The following GATAD1 variants were observed in gnomAD, a reference collection of about 807,000 sequenced individuals.
The protein encoded by GATAD1 is GATA zinc finger domain-containing protein 1.
Under a neutral mutation model 26.5 loss-of-function variants are expected in GATAD1, and 12 were observed. The observed-to-expected ratio is 0.45, with a 90% CI of 0.29 to 0.73. The LOEUF (loss-of-function observed/expected upper bound fraction) is 0.73, where lower values mean the gene tolerates loss of function less well. GATAD1 is among the 30% of genes least tolerant of loss of function. The pLI, the probability that GATAD1 is intolerant of heterozygous loss-of-function variation, is 0.10. For missense variants in GATAD1, 266 were observed against 342.1 expected, an observed-to-expected ratio of 0.78 and a Z score of 1.75; for synonymous variants, 129 against 133.1, an observed-to-expected ratio of 0.97 and a Z score of 0.21.
At chr7:92,473,700 A>G in the GATAD1 span, among the ~76,000 whole-genome samples, 1 of 151,788 alleles carries the variant, frequency 6.6e-6, no homozygotes, top group African/African-American at 2.4e-5. Context: ...GTATCTAGTG[A>G]CTGCCCGTCT....
At chr7:92,460,680 G>GCACTTTA (rs1356039929), downstream of GATAD1, among the ~76,000 whole-genome samples, 1 of 150,432 alleles carries the variant, frequency 6.6e-6, no homozygotes, top group Admixed American at 6.7e-5. Context: ...TGTAATCCCA[G>GCACTTTA]CACTTTAAGA....
chr7:92,449,703 T>C lies in GATAD1; in HGVS notation c.375+826T>C, dbSNP rs1052676586. 27 of 644,048 alleles carry C rather than the reference T, an allele frequency of 4.2e-5. No individual in the cohort carries two copies. The Admixed American group carries it at 5.1e-4, about 12-fold the overall frequency. 39.9% of individuals were successfully genotyped at this position (644,048 alleles called of 1,614,324 possible). A position where few individuals can be genotyped will look rare whatever the true frequency, so the allele number is the denominator to read the frequency against. ...TTTTTTTTTAATTTAATTTAATGAA[T>C]TTTTTTTAATTTTACTTTAAGTTCT... On this transcript the variant is annotated intron_variant, in intron 2 of 4. Transcript: ENST00000287957.
the GATAD1 span, chr7:92,492,990 T>C: frequency 6.2e-7 from 1 of 1,613,856 alleles, no homozygotes; most frequent in Non-Finnish European, 8.5e-7. Flanking sequence ...ATGTAAGGCC[T>C]CCAATTGGGC....
the GATAD1 span, among the ~76,000 whole-genome samples, chr7:92,480,073 ATT>A: frequency 6.6e-6 from 1 of 152,126 alleles, no homozygotes; most frequent in Admixed American, 6.5e-5. Context: ...CCATTAGTCC[ATT>A]CTACCTTTCC....
At chr7:92,474,589 C>CTTTCCTCT in the GATAD1 span, 1 of 152,242 alleles carries the variant, frequency 6.6e-6, no homozygotes, top group Non-Finnish European at 1.5e-5. Flanking sequence ...GAATCATTCT[C>CTTTCCTCT]TTTCCTCTGT....
At chr7:92,473,366 C>A in the GATAD1 span, among the ~76,000 whole-genome samples, 1 of 152,074 alleles carries the variant, frequency 6.6e-6, no homozygotes, top group Non-Finnish European at 1.5e-5. Flanking sequence ...CCTTAACAAT[C>A]TTTTGGAGTC....
the GATAD1 span, chr7:92,469,462 CTG>C: frequency 1.3e-6 from 1 of 757,992 alleles, no homozygotes; most frequent in Non-Finnish European, 2.4e-6. Context: ...TATGACATAA[CTG>C]TATAAATCTT....
At chr7:92,491,116 T>G in the GATAD1 span, 1 of 611,504 alleles carries the variant, frequency 1.6e-6, no homozygotes, top group Non-Finnish European at 2.9e-6. Context: ...GAATGCAAAT[T>G]ACCAATTAGT....
intron 2 of GATAD1, 171 bp from the exon 3 acceptor site, chr7:92,450,530 T>C (rs1789383111): frequency 5.4e-6 from 3 of 554,572 alleles, no homozygotes; most frequent in Non-Finnish European, 9.5e-6. Flanking sequence ...GCAGTGGAAA[T>C]AGACTGCTTT....
intron 4 of GATAD1, 49 bp downstream of exon 4, chr7:92,454,734 C>A: frequency 7.9e-7 from 1 of 1,269,052 alleles, no homozygotes; most frequent in Non-Finnish European, 1.1e-6. Flanking sequence ...GTTAACTCTC[C>A]AATATTATGT....
At chr7:92,454,474 A>G (rs764819654) in intron 3 of GATAD1, 28 bp from the exon 4 acceptor site, 7 of 1,536,078 alleles carry the variant, frequency 4.6e-6, no homozygotes, top group African/African-American at 1.4e-5. Context: ...TTTATTTTCA[A>G]TGTGGGATTA....
the GATAD1 span, among the ~76,000 whole-genome samples, chr7:92,485,479 T>C: frequency 6.6e-6 from 1 of 152,208 alleles, no homozygotes; most frequent in Non-Finnish European, 1.5e-5. Context: ...TTCTCACACC[T>C]AGGTCAGACT....
chr7:92,476,219 A>G, the GATAD1 span, among the ~76,000 whole-genome samples: 1 of 152,226 alleles, frequency 6.6e-6, no homozygotes, highest in African/African-American at 2.4e-5. Context: ...ATACTTTAAG[A>G]TTTTTGAGTT....
At chr7:92,490,106 T>C in the GATAD1 span, 2 of 605,290 alleles carry the variant, frequency 3.3e-6, no homozygotes, top group Non-Finnish European at 5.8e-6. Flanking sequence ...ACCTGTGTTA[T>C]AGAACCACCA....
the GATAD1 span, among the ~76,000 whole-genome samples, chr7:92,482,639 G>T: frequency 2.6e-5 from 4 of 152,044 alleles, no homozygotes; most frequent in African/African-American, 4.8e-5. Context: ...GGGTTAAGGT[G>T]GGGGGATATG....
the GATAD1 span, among the ~76,000 whole-genome samples, chr7:92,488,986 G>A: frequency 6.6e-6 from 1 of 152,072 alleles, no homozygotes; most frequent in African/African-American, 2.4e-5. Context: ...CACCTGCCTT[G>A]GCCTCCCAAA....
intron 3 of GATAD1, among the ~76,000 whole-genome samples, chr7:92,453,683 A>G (rs1225181414): frequency 1.3e-5 from 2 of 152,146 alleles, no homozygotes; most frequent in Non-Finnish European, 2.9e-5. Context: ...AATTCATGGT[A>G]TCTATTTTCT....
chr7:92,447,657 C>T lies in GATAD1; in HGVS notation c.-73C>T. ...CCTATCGCCGGGAGTGGCGGGCCGA[C>T]CAGGGGGCGGCCGGGCTACCGTCCG... On this transcript the variant is annotated 5_prime_UTR_variant, in exon 1 of 5. Transcript: ENST00000287957. The T allele has an allele frequency of 1.5e-6, 2 of 1,330,108 alleles. No homozygotes were observed. The highest frequency in any genetic ancestry group is 1.9e-6 in the Non-Finnish European group (2 of 1,038,332). 82.4% of individuals were successfully genotyped at this position (1,330,108 alleles called of 1,614,324 possible). A position where few individuals can be genotyped will look rare whatever the true frequency, so the allele number is the denominator to read the frequency against.
At chr7:92,487,416 A>C in the GATAD1 span, 1 of 1,044,134 alleles carries the variant, frequency 9.6e-7, no homozygotes, top group Non-Finnish European at 1.5e-6. Context: ...TGGAAAAGCC[A>C]TCAAAAAACT....
Sources: gnomAD v4.1 joint callset for allele counts (sites outside exome capture counted in the v4.1 genomes callset) on GRCh38, gnomAD v4.1.1 for gene constraint, MANE v1.5 for transcripts, NCBI Gene and HGNC (gene_info 2026-07-23, HGNC 2026-07-21) for gene names.